Variants in ATG7 observed in about 807,000 individuals in gnomAD.
ATG7 encodes the protein autophagy related 7, also known as ubiquitin-like modifier-activating enzyme ATG7.
In ATG7, 70 loss-of-function variants were observed where a neutral mutation model predicts 82.4. The ratio of observed to expected loss-of-function variants is 0.85; its 90% CI spans 0.70 to 1.04. The LOEUF (loss-of-function observed/expected upper bound fraction) is 1.04, where lower values mean the gene tolerates loss of function less well. Ranked by LOEUF, ATG7 falls within the 50% of genes least tolerant of loss-of-function variation. ATG7 has a pLI of 0.00. For missense variants in ATG7, 792 were observed against 864.3 expected (o/e 0.92, Z 1.05); for synonymous variants, 287 against 313.0 (o/e 0.92, Z 0.88).
intron 19 of ATG7, among the ~76,000 whole-genome samples, chr3:11,395,620 A>G (rs35169598): frequency 1.6e-4 from 25 of 152,294 alleles, no homozygotes; most frequent in Admixed American, 5.9e-4. Flanking sequence ...GCATCCCACA[A>G]TTTTAAACCC....
At position 11,396,911 on chromosome 3, in the gene ATG7, G is replaced by A. The variant is rs958370942; in HGVS notation, c.1956+16859G>A. On this transcript the variant is annotated intron_variant, in intron 19 of 20. Coordinates refer to ENST00000693202, the MANE Select transcript of ATG7 (RefSeq NM_001349232.2). ...TAAAGATAGGAATTAATGCTTGACT[G>A]AGATAAGTCAAGGATATATGTTATA... Among the ~76,000 whole-genome samples, 5 of 152,216 alleles carry A rather than the reference G, an allele frequency of 3.3e-5. No individual in the cohort carries two copies. The East Asian group carries it at 9.6e-4, about 29-fold the overall frequency.
At chr3:11,481,050 A>G (rs1012963670) in intron 20 of ATG7, among the ~76,000 whole-genome samples, 7 of 152,210 alleles carry the variant, frequency 4.6e-5, no homozygotes, top group Non-Finnish European at 1.0e-4. Flanking sequence ...ACTCCCTTTA[A>G]TGTCTTATTT....
intron 20 of ATG7, among the ~76,000 whole-genome samples, chr3:11,455,483 A>G: frequency 6.6e-6 from 1 of 152,176 alleles, no homozygotes; most frequent in East Asian, 1.9e-4. Context: ...ATCTGAGCCT[A>G]TTCTGGCCTC....
chr3:11,355,837 C>T (rs1366902360), intron 14 of ATG7, among the ~76,000 whole-genome samples: 1 of 152,100 alleles, frequency 6.6e-6, no homozygotes, highest in Non-Finnish European at 1.5e-5. Context: ...AGAAATTGTA[C>T]CTTTAGATCT....
intron 20 of ATG7, among the ~76,000 whole-genome samples, chr3:11,520,882 G>A (rs2092423770): frequency 6.6e-6 from 1 of 152,206 alleles, no homozygotes; most frequent in Non-Finnish European, 1.5e-5. Flanking sequence ...TGAGAAGTAG[G>A]CACAGTTGGT....
intron 5 of ATG7, among the ~76,000 whole-genome samples, chr3:11,303,116 A>G (rs1206459223): frequency 6.6e-6 from 1 of 152,232 alleles, no homozygotes; most frequent in Non-Finnish European, 1.5e-5. Flanking sequence ...TCAGGTAACA[A>G]CAGATTAATG....
chr3:11,442,101 ACTCTT>A (rs1004852949), intron 20 of ATG7, among the ~76,000 whole-genome samples: 1 of 151,878 alleles, frequency 6.6e-6, no homozygotes, highest in African/African-American at 2.4e-5. Flanking sequence ...TCACACCCAG[ACTCTT>A]CTCTTTCTTT....
At chr3:11,411,341 C>T (rs1576204828) in intron 19 of ATG7, among the ~76,000 whole-genome samples, 1 of 152,060 alleles carries the variant, frequency 6.6e-6, no homozygotes, top group Non-Finnish European at 1.5e-5. Context: ...AATTTCTTAT[C>T]AGGGCTGGGC....
At chr3:11,466,676 C>T (rs948935378) in intron 20 of ATG7, among the ~76,000 whole-genome samples, 2 of 152,198 alleles carry the variant, frequency 1.3e-5, no homozygotes, top group African/African-American at 4.8e-5. Context: ...AAAAGCAGTT[C>T]TCAGAGGGTT....
chr3:11,398,717 T>C (rs189360497), intron 19 of ATG7, among the ~76,000 whole-genome samples: 10 of 152,288 alleles, frequency 6.6e-5, no homozygotes, highest in Admixed American at 5.9e-4. Context: ...CCAGGTGTTA[T>C]GGCACATGCC....
intron 14 of ATG7, among the ~76,000 whole-genome samples, chr3:11,353,040 G>A (rs1452074610): frequency 6.6e-6 from 1 of 152,218 alleles, no homozygotes; most frequent in East Asian, 1.9e-4. Flanking sequence ...TCTAATTTGG[G>A]GTATTCCTTA....
At chr3:11,279,807 A>G (rs1232534933) in intron 1 of ATG7, among the ~76,000 whole-genome samples, 2 of 152,188 alleles carry the variant, frequency 1.3e-5, no homozygotes, top group Non-Finnish European at 2.9e-5. Context: ...CCCTCCTCCT[A>G]TAACATTCTG....
chr3:11,490,520 T>A (rs1464403193), intron 20 of ATG7, among the ~76,000 whole-genome samples: 1 of 152,212 alleles, frequency 6.6e-6, no homozygotes, highest in Non-Finnish European at 1.5e-5. Flanking sequence ...CATTATGATG[T>A]TAGCTGGTTA....
intron 19 of ATG7, among the ~76,000 whole-genome samples, chr3:11,415,468 C>T (rs974731874): frequency 6.6e-6 from 1 of 152,170 alleles, no homozygotes; most frequent in African/African-American, 2.4e-5. Context: ...TCTTTTGTAA[C>T]AACACCTAGC....
intron 20 of ATG7, 29 bp downstream of exon 20, chr3:11,426,955 A>C (rs1472109981): frequency 6.4e-7 from 1 of 1,555,808 alleles, no homozygotes; most frequent in Admixed American, 2.1e-5. Context: ...TTCTGTAGTG[A>C]AGACTGACAT....
chr3:11,398,740 T>TA (rs767182279), intron 19 of ATG7, among the ~76,000 whole-genome samples: 1 of 152,168 alleles, frequency 6.6e-6, no homozygotes, highest in Non-Finnish European at 1.5e-5. Flanking sequence ...TAGTCCTAGC[T>TA]ACTTGGAGGC....
At chr3:11,333,241 G>A (rs934113406) in intron 11 of ATG7, 148 bp downstream of exon 11, 54 of 1,080,914 alleles carry the variant, frequency 5.0e-5, no homozygotes, top group Middle Eastern at 3.0e-4. Context: ...CACCTACTTC[G>A]AACAGAGGGC....
At chr3:11,520,860 A>T (rs1216888711) in intron 20 of ATG7, among the ~76,000 whole-genome samples, 1 of 152,220 alleles carries the variant, frequency 6.6e-6, no homozygotes, top group Admixed American at 6.5e-5. Context: ...CTCACCCGCC[A>T]GCATTCTTCC....
intron 20 of ATG7, among the ~76,000 whole-genome samples, chr3:11,511,417 G>A (rs2092048123): frequency 6.6e-6 from 1 of 152,208 alleles, no homozygotes; most frequent in African/African-American, 2.4e-5. Flanking sequence ...AGTGTCGACT[G>A]GTGCATTCAC....
Sources: allele counts gnomAD v4.1 joint callset (sites outside exome capture counted in the v4.1 genomes callset), GRCh38; gene constraint gnomAD v4.1.1; transcripts MANE v1.5; gene names NCBI Gene and HGNC (gene_info 2026-07-23, HGNC 2026-07-21).